Variants in HDLBP observed in about 807,000 individuals in gnomAD.
The protein encoded by HDLBP is vigilin.
A neutral mutation model predicts 137.3 loss-of-function variants in HDLBP; 30 were observed. The observed-to-expected ratio is 0.22, with a 90% CI of 0.16 to 0.30. HDLBP has a LOEUF of 0.30. HDLBP is among the 10% of genes least tolerant of loss of function. The pLI, the probability that HDLBP is intolerant of heterozygous loss-of-function variation, is 1.00. For missense variants in HDLBP, 1,119 were observed against 1,667.3 expected (o/e 0.67, Z 5.73); for synonymous variants, 606 against 596.0 (o/e 1.02, Z -0.24).
chr2:241,299,449 G>A (rs973108719), intron 1 of HDLBP, among the ~76,000 whole-genome samples: 2 of 145,860 alleles, frequency 1.4e-5, no homozygotes, highest in African/African-American at 2.6e-5. Flanking sequence ...GAACCCAGGA[G>A]GCAGAGGTTG....
At chr2:241,262,667 C>A in intron 5 of HDLBP, 44 bp downstream of exon 5, 1 of 1,451,312 alleles carries the variant, frequency 6.9e-7, no homozygotes, top group Non-Finnish European at 9.7e-7. Context: ...GGTAATGGAA[C>A]GGGTACACAG....
At chr2:241,312,387 A>G (rs1423209980) in intron 1 of HDLBP, among the ~76,000 whole-genome samples, 1 of 152,246 alleles carries the variant, frequency 6.6e-6, no homozygotes, top group African/African-American at 2.4e-5. Context: ...CTTTAGAAAT[A>G]CCAAAAAATA....
intron 1 of HDLBP, among the ~76,000 whole-genome samples, chr2:241,309,873 T>C (rs2075710624): frequency 6.6e-6 from 1 of 152,230 alleles, no homozygotes; most frequent in African/African-American, 2.4e-5. Flanking sequence ...CTACAAGATA[T>C]TTCTCTGGGG....
intron 1 of HDLBP, among the ~76,000 whole-genome samples, chr2:241,291,139 C>A (rs1422176569): frequency 6.6e-6 from 1 of 152,218 alleles, no homozygotes; most frequent in Non-Finnish European, 1.5e-5. Context: ...TACTACAAAT[C>A]AGTGAAAAGC....
intron 1 of HDLBP, among the ~76,000 whole-genome samples, chr2:241,270,715 G>A (rs1013091247): frequency 3.3e-5 from 5 of 152,234 alleles, no homozygotes; most frequent in African/African-American, 4.8e-5. Flanking sequence ...GCACTGCTAC[G>A]CCCTGCTCCT....
At position 241,229,547 on chromosome 2, in the gene HDLBP, T is replaced by C. The variant is rs565782985; in HGVS notation, c.*54A>G. 8.5e-6 allele frequency: 11 copies of C among 1,290,892 alleles called. No homozygotes were observed. The South Asian group carries it at 1.2e-4, about 14-fold the overall frequency. 80.0% of individuals were successfully genotyped at this position (1,290,892 alleles called of 1,614,324 possible). ...GCTGGGTCAGATTGAGACAAACCATTGTGTGGTTGGGTTTGGGTCAGCAGG... is the reference window on the plus strand; with the variant it reads ...GCTGGGTCAGATTGAGACAAACCATCGTGTGGTTGGGTTTGGGTCAGCAGG... On this transcript the variant is annotated 3_prime_UTR_variant, in exon 28 of 28. Coordinates refer to ENST00000310931, the MANE Select transcript of HDLBP (RefSeq NM_005336.6).
At chr2:241,294,404 T>C (rs2075107780) in intron 1 of HDLBP, among the ~76,000 whole-genome samples, 1 of 152,254 alleles carries the variant, frequency 6.6e-6, no homozygotes, top group Non-Finnish European at 1.5e-5. Context: ...AATGAGTAGA[T>C]GTTGCAGAGA....
chr2:241,291,157 C>T (rs1301564522), intron 1 of HDLBP, among the ~76,000 whole-genome samples: 1 of 152,208 alleles, frequency 6.6e-6, no homozygotes, highest in Non-Finnish European at 1.5e-5. Context: ...AGCAGAGTCA[C>T]AAAATTTAGA....
At chr2:241,242,334 A>G in intron 17 of HDLBP, 126 bp downstream of exon 17, 1 of 760,070 alleles carries the variant, frequency 1.3e-6, no homozygotes, top group East Asian at 2.7e-5. Flanking sequence ...TAAACAGTAC[A>G]TTATAGAGCT....
At chr2:241,249,298 T>G in intron 12 of HDLBP, 1 of 470,892 alleles carries the variant, frequency 2.1e-6, no homozygotes, top group East Asian at 6.9e-5. Context: ...CACGCAGTAT[T>G]TGACTTCTCT....
At chr2:241,296,173 C>T (rs896920311) in intron 1 of HDLBP, among the ~76,000 whole-genome samples, 2 of 150,332 alleles carry the variant, frequency 1.3e-5, no homozygotes, top group African/African-American at 4.9e-5. Flanking sequence ...GTAATTAGCA[C>T]TTGGTGTTAC....
At chr2:241,286,677 C>T (rs1167268350) in intron 1 of HDLBP, among the ~76,000 whole-genome samples, 2 of 152,200 alleles carry the variant, frequency 1.3e-5, no homozygotes, top group Non-Finnish European at 1.5e-5. Context: ...CACGGGTGCG[C>T]GTCCTCACCC....
At chr2:241,267,789 A>T (rs1258680407) in intron 2 of HDLBP, 1 of 1,491,862 alleles carries the variant, frequency 6.7e-7, no homozygotes, top group Non-Finnish European at 8.9e-7. Flanking sequence ...CCCTTGATCC[A>T]CACTGACTGG....
At chr2:241,275,622 C>T (rs1205069616) in intron 1 of HDLBP, among the ~76,000 whole-genome samples, 1 of 151,992 alleles carries the variant, frequency 6.6e-6, no homozygotes, top group Non-Finnish European at 1.5e-5. Flanking sequence ...TAAACTAATC[C>T]AAATCAAAAC....
chr2:241,253,516 AG>A lies in HDLBP; in HGVS notation c.1189-20del. 6.5e-7 allele frequency: 1 copy of A among 1,545,420 alleles called. No individual in the cohort carries two copies. Among genetic ancestry groups the A allele is most frequent in the South Asian group, 1.1e-5 (1 of 89,712 alleles). On this transcript the variant is annotated intron_variant, in intron 9 of 27. Transcript: ENST00000310931. ...TGTGAACCTACCACACCAAAACCAA[AG>A]AGATAGCTAAAACAGAATGGCACAG...
At chr2:241,298,437 G>C (rs1474640458) in intron 1 of HDLBP, among the ~76,000 whole-genome samples, 3 of 151,918 alleles carry the variant, frequency 2.0e-5, no homozygotes, top group Non-Finnish European at 4.4e-5. Flanking sequence ...GGGCTCTCAG[G>C]GGCAAACCTG....
At chr2:241,310,826 A>G (rs181022207) in intron 1 of HDLBP, among the ~76,000 whole-genome samples, 2 of 152,372 alleles carry the variant, frequency 1.3e-5, no homozygotes, top group African/African-American at 4.8e-5. Context: ...TTTCACAGAA[A>G]GAAAAGCCTC....
At chr2:241,253,307 G>A (rs967580623) in intron 10 of HDLBP, 86 bp downstream of exon 10, 5 of 907,174 alleles carry the variant, frequency 5.5e-6, no homozygotes, top group South Asian at 3.9e-5. Flanking sequence ...CCGGACATGT[G>A]GGATGTCATC....
chr2:241,265,399 C>T (rs1282974270), intron 3 of HDLBP, among the ~76,000 whole-genome samples: 1 of 152,136 alleles, frequency 6.6e-6, no homozygotes, highest in Non-Finnish European at 1.5e-5. Flanking sequence ...GCCTGGGCAA[C>T]AAGAGCAAAA....
Sources: gnomAD v4.1 joint callset for allele counts (sites outside exome capture counted in the v4.1 genomes callset) on GRCh38, gnomAD v4.1.1 for gene constraint, MANE v1.5 for transcripts, NCBI Gene and HGNC (gene_info 2026-07-23, HGNC 2026-07-21) for gene names.